The following CRK variants were observed in gnomAD, a reference collection of about 807,000 sequenced individuals.
The protein encoded by CRK is CRK proto-oncogene, adaptor protein.
Under a neutral mutation model 29.8 loss-of-function variants are expected in CRK, and 4 were observed. The ratio of observed to expected loss-of-function variants is 0.13; its 90% CI spans 0.07 to 0.31. The LOEUF is 0.31. Ranked by LOEUF, CRK falls within the 10% of genes least tolerant of loss-of-function variation. CRK has a pLI of 1.00. For missense variants in CRK, 274 were observed against 396.5 expected (o/e 0.69, Z 2.62); for synonymous variants, 153 against 164.9 (o/e 0.93, Z 0.55).
chr17:1,427,169 T>C (rs1434615510), intron 2 of CRK, among the ~76,000 whole-genome samples: 2 of 147,622 alleles, frequency 1.4e-5, no homozygotes, highest in Non-Finnish European at 3.0e-5. Context: ...TATGCACCTG[T>C]AGTTCCAGTT....
intron 1 of CRK, among the ~76,000 whole-genome samples, chr17:1,455,438 C>T (rs2074048474): frequency 6.6e-6 from 1 of 152,224 alleles, no homozygotes; most frequent in Admixed American, 6.5e-5. Flanking sequence ...CACGGCCAAA[C>T]CCGGCTCTCC....
intron 2 of CRK, among the ~76,000 whole-genome samples, chr17:1,429,930 A>C (rs1413123280): frequency 6.6e-6 from 1 of 152,076 alleles, no homozygotes; most frequent in Non-Finnish European, 1.5e-5. Flanking sequence ...ATCTCAAAAA[A>C]AAAAAAGAGA....
chr17:1,434,552 G>A (rs2073872903), intron 2 of CRK, among the ~76,000 whole-genome samples: 2 of 152,176 alleles, frequency 1.3e-5, no homozygotes, highest in South Asian at 2.1e-4. Context: ...GGAGGCTGAG[G>A]CGGGTGGATC....
chr17:1,451,403 G>C (rs977925029), intron 1 of CRK, among the ~76,000 whole-genome samples: 6 of 151,452 alleles, frequency 4.0e-5, no homozygotes, highest in African/African-American at 1.5e-4. Context: ...GCTAATTTTT[G>C]TATTTTTTAG....
At chr17:1,440,717 G>A (rs1033576270) in intron 1 of CRK, among the ~76,000 whole-genome samples, 9 of 152,000 alleles carry the variant, frequency 5.9e-5, no homozygotes, top group African/African-American at 1.2e-4. Flanking sequence ...GCGAGACTTC[G>A]TCTCAAAAAC....
rs778793991 is a variant in CRK, at chr17:1,427,072, A to AAAAAAAAG, written c.778-3423_778-3422insCTTTTTTT. 1.0e-3 allele frequency among the ~76,000 whole-genome samples: 92 copies of AAAAAAAAG among 92,070 alleles called. 23 individuals carry two copies. The highest frequency in any genetic ancestry group is 1.5e-3 in the Non-Finnish European group (72 of 47,912). 60.4% of individuals were successfully genotyped at this position (92,070 alleles called of 152,430 possible). On this transcript the variant is annotated intron_variant, in intron 2 of 2. Transcript: ENST00000300574. Reference sequence around the variant, plus strand: ...AAAAAAAAAAAAAAAAAAAAAAAAAAGATTCTGACATGCCCCAGCCAGGCT... The same window carrying AAAAAAAAG: ...AAAAAAAAAAAAAAAAAAAAAAAAAAAAAAAAAGGATTCTGACATGCCCCAGCCAGGCT...
chr17:1,440,066 G>A (rs1449014564), intron 1 of CRK, among the ~76,000 whole-genome samples: 1 of 151,582 alleles, frequency 6.6e-6, no homozygotes. Flanking sequence ...TTGGGAGGCT[G>A]AGGCAGGTGG....
chr17:1,448,552 G>C (rs543780307), intron 1 of CRK, among the ~76,000 whole-genome samples: 1 of 146,598 alleles, frequency 6.8e-6, no homozygotes. Flanking sequence ...GAACCTGGGA[G>C]GCAGAGCTTG....
At chr17:1,430,275 C>G (rs1420903280) in intron 2 of CRK, among the ~76,000 whole-genome samples, 1 of 151,854 alleles carries the variant, frequency 6.6e-6, no homozygotes, top group African/African-American at 2.4e-5. Flanking sequence ...AATTCCTGAC[C>G]TCAGGTGAAG....
intron 2 of CRK, among the ~76,000 whole-genome samples, chr17:1,430,318 G>A (rs1411155879): frequency 6.6e-6 from 1 of 151,302 alleles, no homozygotes; most frequent in Non-Finnish European, 1.5e-5. Context: ...AAAGTGCTGG[G>A]ATTACAGGCG....
intron 2 of CRK, among the ~76,000 whole-genome samples, chr17:1,428,951 T>C (rs987424385): frequency 1.1e-4 from 17 of 151,384 alleles, no homozygotes; most frequent in Non-Finnish European, 2.2e-4. Context: ...GTTCAAGCGA[T>C]TCTCCTGCCT....
At chr17:1,449,494 A>G (rs1000933719) in intron 1 of CRK, among the ~76,000 whole-genome samples, 7 of 152,130 alleles carry the variant, frequency 4.6e-5, no homozygotes, top group Admixed American at 6.6e-5. Context: ...CAGTATTACT[A>G]TTTCCCTCCT....
At chr17:1,434,929 CA>C (rs1568013287) in intron 2 of CRK, among the ~76,000 whole-genome samples, 3 of 152,046 alleles carry the variant, frequency 2.0e-5, no homozygotes. Flanking sequence ...GAAGCTCAAC[CA>C]TTTTTTTGAG....
In CRK at chr17:1,437,302, A is replaced by G. The variant is rs1240032914; in HGVS notation, c.242-147T>C. On this transcript the variant is annotated intron_variant, in intron 1 of 2. Coordinates refer to ENST00000300574, the MANE Select transcript of CRK (RefSeq NM_016823.4). ...CCGGGGCTCAAGTGATCCTCTCACC[A>G]CAAACTCCTGAGTAGCTGGGACTAC... 3 of 844,078 alleles carry G rather than the reference A, an allele frequency of 3.6e-6. No homozygotes were observed. In the East Asian group the frequency reaches 8.3e-5, roughly 23 times the overall value. 52.3% of individuals were successfully genotyped at this position (844,078 alleles called of 1,614,324 possible).
rs985324303 is a variant in CRK at position 1,441,006 on chromosome 17, G to A, written c.242-3851C>T. Among the ~76,000 whole-genome samples, 9 of 152,106 alleles carry A rather than the reference G, an allele frequency of 5.9e-5. No individual in the cohort carries two copies. In the East Asian group the frequency reaches 1.7e-3, roughly 29 times the overall value. ...CACCCAGGCGGGAGTGCAGACCTCAGCTGAGTGCAACCTCTACCTCCCAGG... is the reference window on the plus strand; with the variant it reads ...CACCCAGGCGGGAGTGCAGACCTCAACTGAGTGCAACCTCTACCTCCCAGG... On this transcript the variant is annotated intron_variant, in intron 1 of 2. Coordinates refer to ENST00000300574, the MANE Select transcript of CRK (RefSeq NM_016823.4).
rs553973403 is a variant in CRK, at chr17:1,427,322, G to A, written c.778-3672C>T. Among the ~76,000 whole-genome samples, 679 of 150,788 alleles carry A rather than the reference G, an allele frequency of 4.5e-3. 1 individual carries two copies. Among genetic ancestry groups the A allele is most frequent in the Non-Finnish European group, 6.5e-3 (440 of 67,760 alleles). On this transcript the variant is annotated intron_variant, in intron 2 of 2. Transcript: ENST00000300574. ...AAAAAAAAGAATCTTGGCCGGGCGC[G>A]GTGGCTCACGCCTGTAATCCCAGCA...
chr17:1,430,661 A>G (rs555651659), intron 2 of CRK, among the ~76,000 whole-genome samples: 106 of 149,262 alleles, frequency 7.1e-4, no homozygotes, highest in East Asian at 5.9e-3. Flanking sequence ...CACCACACCC[A>G]GCCTGATTCT....
intron 1 of CRK, among the ~76,000 whole-genome samples, chr17:1,444,123 C>T (rs1332461714): frequency 3.9e-5 from 6 of 152,122 alleles, no homozygotes; most frequent in Admixed American, 2.0e-4. Flanking sequence ...CATGAGCCAC[C>T]GTGCCTGGTC....
intron 2 of CRK, 127 bp from the exon 3 acceptor site, chr17:1,423,777 G>C: frequency 8.5e-7 from 1 of 1,177,712 alleles, no homozygotes; most frequent in Non-Finnish European, 1.2e-6. Context: ...ATGGCCATTT[G>C]CTGCCTCCCC....
Sources: allele counts gnomAD v4.1 joint callset (sites outside exome capture counted in the v4.1 genomes callset), GRCh38; gene constraint gnomAD v4.1.1; transcripts MANE v1.5; gene names NCBI Gene and HGNC (gene_info 2026-07-23, HGNC 2026-07-21).